The following TTC33 variants were observed in gnomAD, a reference collection of about 807,000 sequenced individuals.
TTC33 encodes the protein tetratricopeptide repeat protein 33.
Under a neutral mutation model 29.4 loss-of-function variants are expected in TTC33, and 24 were observed. That is an observed-to-expected ratio of 0.82 (90% confidence interval 0.59 to 1.15). TTC33 has a LOEUF of 1.15. Ranked by LOEUF, TTC33 falls within the 50% of genes most tolerant of loss-of-function variation. The pLI, the probability that TTC33 is intolerant of heterozygous loss-of-function variation, is 0.00. For missense variants in TTC33, 286 were observed against 310.4 expected, an observed-to-expected ratio of 0.92 and a Z score of 0.59; for synonymous variants, 107 against 100.3, an observed-to-expected ratio of 1.07 and a Z score of -0.40.
chr5:40,727,006 T>C (rs1742303596), intron 4 of TTC33, among the ~76,000 whole-genome samples: 1 of 152,192 alleles, frequency 6.6e-6, no homozygotes, highest in Admixed American at 6.5e-5. Flanking sequence ...ATGGTTTCTA[T>C]CACTGTGAAT....
At chr5:40,733,242 C>G (rs566862610) in intron 2 of TTC33, among the ~76,000 whole-genome samples, 6 of 152,220 alleles carry the variant, frequency 3.9e-5, no homozygotes, top group Non-Finnish European at 7.4e-5. Flanking sequence ...TTTCAGGAGT[C>G]TTTGACAGCT....
At chr5:40,742,432 G>C (rs1228818436) in intron 2 of TTC33, among the ~76,000 whole-genome samples, 1 of 152,170 alleles carries the variant, frequency 6.6e-6, no homozygotes, top group Non-Finnish European at 1.5e-5. Flanking sequence ...CATTGAGGTA[G>C]ATATTTTCTG....
At chr5:40,725,093 C>T (rs1742250054) in intron 4 of TTC33, among the ~76,000 whole-genome samples, 1 of 151,984 alleles carries the variant, frequency 6.6e-6, no homozygotes, top group South Asian at 2.1e-4. Flanking sequence ...GGTGATCAAC[C>T]CACCTCAGCC....
intron 1 of TTC33, among the ~76,000 whole-genome samples, chr5:40,755,486 C>A (rs1268095790): frequency 6.6e-6 from 1 of 152,236 alleles, no homozygotes; most frequent in Non-Finnish European, 1.5e-5. Context: ...GACACCTCTC[C>A]AGCGGGGAGC....
chr5:40,739,423 T>G (rs1742645763), intron 2 of TTC33, among the ~76,000 whole-genome samples: 1 of 152,184 alleles, frequency 6.6e-6, no homozygotes, highest in East Asian at 1.9e-4. Context: ...CACCCAAATC[T>G]CATGTCAAAT....
In TTC33 at chr5:40,721,309, GAAGT is replaced by G. The variant is rs1322183943; in HGVS notation, c.436-4815_436-4812del. The stretch of plus-strand genomic sequence containing the variant: ...AAGTAAATGGACAAAATCAATTTTA[GAAGT>G]AAGAACAAAACTAGGGGCATCATAC... On this transcript the variant is annotated intron_variant, in intron 4 of 4. Transcript: ENST00000337702. Among the ~76,000 whole-genome samples the G allele has an allele frequency of 4.6e-5, 7 of 152,232 alleles. No homozygotes were observed. The East Asian group carries it at 1.2e-3, about 25-fold the overall frequency.
At chr5:40,717,575 C>T (rs1742029123) in intron 4 of TTC33, among the ~76,000 whole-genome samples, 1 of 152,248 alleles carries the variant, frequency 6.6e-6, no homozygotes, top group African/African-American at 2.4e-5. Flanking sequence ...CCCTGACCTA[C>T]ACTCACTAAA....
chr5:40,727,775 A>C lies in TTC33; in HGVS notation c.435+570T>G, dbSNP rs541964849. 3.4e-4 allele frequency among the ~76,000 whole-genome samples: 52 copies of C among 152,310 alleles called. 1 individual carries two copies. In the Middle Eastern group the frequency reaches 0.017, roughly 50 times the overall value. ...TTTAAATAAGGTTTACCAAATGCCA[A>C]TGTTTTATGTTAAATTTTTTTTAAT... On this transcript the variant is annotated intron_variant, in intron 4 of 4. Transcript: ENST00000337702.
At chr5:40,721,848 C>T (rs1028703112) in intron 4 of TTC33, among the ~76,000 whole-genome samples, 5 of 152,074 alleles carry the variant, frequency 3.3e-5, no homozygotes, top group African/African-American at 1.2e-4. Flanking sequence ...AAACAACCAC[C>T]AGAGTAAAAG....
In TTC33 at chr5:40,733,999, C is replaced by T. The variant is rs147108816; in HGVS notation, c.222-3656G>A. On this transcript the variant is annotated intron_variant, in intron 2 of 4. Transcript: ENST00000337702. The stretch of plus-strand genomic sequence containing the variant: ...ACTGCACTGTCTTTTATTTTGAAAG[C>T]ATAACCATTGCTGCCAGCAGAGGCA... 1.3e-3 allele frequency among the ~76,000 whole-genome samples: 201 copies of T among 152,296 alleles called. 1 individual carries two copies. The highest frequency in any genetic ancestry group is 4.7e-3 in the African/African-American group (194 of 41,558).
At chr5:40,743,004 C>G (rs908999338) in intron 2 of TTC33, among the ~76,000 whole-genome samples, 1 of 152,150 alleles carries the variant, frequency 6.6e-6, no homozygotes, top group African/African-American at 2.4e-5. Flanking sequence ...AGACACTATA[C>G]AAGTTAGATA....
intron 1 of TTC33, among the ~76,000 whole-genome samples, chr5:40,754,156 G>T (rs189179759): frequency 9.2e-5 from 14 of 152,138 alleles, no homozygotes; most frequent in African/African-American, 3.4e-4. Context: ...CGCCACTATT[G>T]CCTCAGGTGT....
intron 4 of TTC33, 120 bp downstream of exon 4, chr5:40,728,225 C>T (rs573754831): frequency 9.2e-6 from 7 of 764,602 alleles, no homozygotes; most frequent in East Asian, 6.6e-5. Context: ...CGGAGGTTGC[C>T]GTGAGCTGAG....
At chr5:40,717,944 C>T (rs1742037120) in intron 4 of TTC33, among the ~76,000 whole-genome samples, 1 of 152,048 alleles carries the variant, frequency 6.6e-6, no homozygotes, top group African/African-American at 2.4e-5. Flanking sequence ...CGCCTGTAAT[C>T]CCAGCTACTC....
chr5:40,747,230 G>A (rs1224257760), intron 1 of TTC33, among the ~76,000 whole-genome samples: 1 of 151,884 alleles, frequency 6.6e-6, no homozygotes, highest in Non-Finnish European at 1.5e-5. Context: ...GCTAATTTTT[G>A]TATTTTTACT....
At chr5:40,755,603 C>A (rs944884915) in intron 1 of TTC33, among the ~76,000 whole-genome samples, 2 of 152,218 alleles carry the variant, frequency 1.3e-5, no homozygotes, top group African/African-American at 4.8e-5. Context: ...TCCCTGGAGA[C>A]CAACCCTAGC....
chr5:40,738,572 A>AATAAAATAAAATAAAAT lies in TTC33; in HGVS notation c.221+8209_221+8225dup, dbSNP rs1554027962. On this transcript the variant is annotated intron_variant, in intron 2 of 4. Transcript: ENST00000337702. ...TAAAATAAAATAAAATAAAATATAA[A>AATAAAATAAAATAAAAT]ATAAAATAAAATAAAATAAAATAAA... 1.2e-3 allele frequency among the ~76,000 whole-genome samples: 91 copies of AATAAAATAAAATAAAAT among 76,684 alleles called. 2 individuals carry two copies. Among genetic ancestry groups the AATAAAATAAAATAAAAT allele is most frequent in the African/African-American group, 4.1e-3 (77 of 18,560 alleles). The allele number at this position is 76,684 out of a possible 152,430, so 50.3% of individuals were successfully genotyped here.
In TTC33 at chr5:40,748,252, A is replaced by G. The variant is rs138811722; in HGVS notation, c.-1-1233T>C. Among the ~76,000 whole-genome samples the G allele has an allele frequency of 4.9e-3, 741 of 151,822 alleles. 3 individuals are homozygous for G. The highest frequency in any genetic ancestry group is 0.025 in the South Asian group (118 of 4,796). ...TTGCTCGTTTCCCCAGCTGGAGTGCAATGGCACGACCTCGGCTCATTGCAA... is the reference window on the plus strand; with the variant it reads ...TTGCTCGTTTCCCCAGCTGGAGTGCGATGGCACGACCTCGGCTCATTGCAA... On this transcript the variant is annotated intron_variant, in intron 1 of 4. Coordinates refer to ENST00000337702, the MANE Select transcript of TTC33 (RefSeq NM_012382.3).
At chr5:40,734,572 G>A (rs1419933531) in intron 2 of TTC33, among the ~76,000 whole-genome samples, 4 of 152,170 alleles carry the variant, frequency 2.6e-5, no homozygotes, top group African/African-American at 7.2e-5. Flanking sequence ...AGCTAAATAA[G>A]TTAGATAGCA....
Sources: gnomAD v4.1 joint callset for allele counts (sites outside exome capture counted in the v4.1 genomes callset) on GRCh38, gnomAD v4.1.1 for gene constraint, MANE v1.5 for transcripts, NCBI Gene and HGNC (gene_info 2026-07-23, HGNC 2026-07-21) for gene names.